Variants in ZNF555 observed in about 807,000 individuals in gnomAD.
ZNF555 encodes zinc finger protein 555.
A neutral mutation model predicts 14.0 loss-of-function variants in ZNF555; 10 were observed. The observed-to-expected ratio is 0.72, with a 90% CI of 0.44 to 1.21. The LOEUF is 1.21. Among genes scored for constraint, ZNF555 ranks in the 50% most tolerant of loss-of-function variants. The probability of loss-of-function intolerance (pLI) is 0.00; values close to 1 mark genes in which losing one functional copy is unlikely to be tolerated. For missense variants in ZNF555, 747 were observed against 762.0 expected (o/e 0.98, Z 0.23); for synonymous variants, 277 against 262.4 (o/e 1.06, Z -0.54).
chr19:2,844,251 C>T lies in ZNF555; in HGVS notation c.3+2676C>T, dbSNP rs144120814. Among the ~76,000 whole-genome samples the T allele has an allele frequency of 6.1e-3, 934 of 152,108 alleles. 15 individuals carry two copies. Among genetic ancestry groups the T allele is most frequent in the African/African-American group, 0.022 (901 of 41,494 alleles). On this transcript the variant is annotated intron_variant, in intron 1 of 3. Coordinates refer to ENST00000334241, the MANE Select transcript of ZNF555 (RefSeq NM_152791.5). ...CTGAGTAGCTGGGATTACAGGCATC[C>T]GCCACCACGCCCAGCTAATTTTTGT...
rs753710430 is a variant in ZNF555, at chr19:2,850,637, G to A, written c.54G>A (p.Trp18Ter). 1 of 1,614,032 alleles carries A rather than the reference G, an allele frequency of 6.2e-7. No homozygotes were observed. The highest frequency in any genetic ancestry group is 1.1e-5 in the South Asian group (1 of 91,082). Reference sequence around the variant, plus strand: ...CTGTGGACTTCACCCTGGAGGAGTGGGCTTTGCTGGATTCTGCTCAGAGGG... The same window carrying A: ...CTGTGGACTTCACCCTGGAGGAGTGAGCTTTGCTGGATTCTGCTCAGAGGG... ...DVAVDFTLEE[W>*]ALLDSAQRDL... The change falls in exon 2 of 4, where the codon TGG (tryptophan) becomes TGA (stop). Residue 18 changes from tryptophan to a stop codon, truncating the protein, a stop_gained. Transcript: ENST00000334241. LOFTEE classifies it high-confidence loss of function.
intron 1 of ZNF555, among the ~76,000 whole-genome samples, chr19:2,843,613 T>C (rs1008921244): frequency 6.6e-6 from 1 of 152,206 alleles, no homozygotes; most frequent in Non-Finnish European, 1.5e-5. Flanking sequence ...TTATTCTCCT[T>C]GACATGGTAG....
rs760298283 is a variant in ZNF555 at position 2,852,572 on chromosome 19, C to T, written c.507C>T (p.His169=). 2 of 1,614,058 alleles carry T rather than the reference C, an allele frequency of 1.2e-6. No homozygotes were observed. The highest frequency in any genetic ancestry group is 1.7e-5 in the Admixed American group (1 of 60,006). The stretch of plus-strand genomic sequence containing the variant: ...GTCCCATCACAGTTCACACTGGACA[C>T]AAACCATATCAGTGCCAGGAATGTG... ...LKSPITVHTG[H]KPYQCQECGQ... Residue 169 remains histidine, a synonymous_variant, in exon 4 of 4, where the codon CAC becomes CAT. Transcript: ENST00000334241.
Position 2,853,349 on chromosome 19 carries a change from A to G in ZNF555, c.1284A>G (p.Gln428=), listed in dbSNP as rs1414429392. Residue 428 remains glutamine, a synonymous_variant, in exon 4 of 4, where the codon CAA becomes CAG. Transcript: ENST00000334241. The stretch of plus-strand genomic sequence containing the variant: ...GAGAGAAACCCTATGAGTGCAAGCA[A>G]TGTGGGAAAACTTTCAATTGGCCCA... The part of the protein sequence containing the change: ...HTGEKPYECK[Q]CGKTFNWPIS... The G allele has an allele frequency of 6.2e-7, 1 of 1,613,758 alleles. No individual in the cohort carries two copies. The highest frequency in any genetic ancestry group is 1.1e-5 in the South Asian group (1 of 91,062).
intron 2 of ZNF555, 33 bp downstream of exon 2, chr19:2,850,746 T>C: frequency 6.2e-7 from 1 of 1,610,238 alleles, no homozygotes; most frequent in Non-Finnish European, 8.5e-7. Context: ...CTTCACGTAG[T>C]TATTGAGAGA....
At chr19:2,844,127 A>C (rs1463282468) in intron 1 of ZNF555, among the ~76,000 whole-genome samples, 2 of 90,524 alleles carry the variant, frequency 2.2e-5, no homozygotes, top group Admixed American at 1.4e-4. Flanking sequence ...TTAAAGAGGG[A>C]GTTTCACCCT....
intron 1 of ZNF555, 54 bp from the exon 2 acceptor site, chr19:2,850,533 C>A: frequency 6.3e-7 from 1 of 1,598,434 alleles, no homozygotes; most frequent in South Asian, 1.1e-5. Flanking sequence ...GAGTACAATG[C>A]TCCTGGGCTC....
Position 2,851,490 on chromosome 19 carries a change from C to A in ZNF555, c.153C>A (p.Ala51=). Residue 51 remains alanine, a synonymous_variant, in exon 3 of 4, where the codon GCC becomes GCA. Coordinates refer to ENST00000334241, the MANE Select transcript of ZNF555 (RefSeq NM_152791.5). The stretch of plus-strand genomic sequence containing the variant: ...CAGATGATGAAACTCAATTTAAGGC[C>A]AGTGGGTCAGTTTCTCAGCAGGATA... ...ASVDDETQFK[A]SGSVSQQDIY... is the part of the protein sequence containing the mutation. The A allele has an allele frequency of 6.3e-7, 1 of 1,585,518 alleles. No individual in the cohort carries two copies. The highest frequency in any genetic ancestry group is 1.4e-5 in the African/African-American group (1 of 73,190).
chr19:2,842,983 CG>C (rs979235336), intron 1 of ZNF555, among the ~76,000 whole-genome samples: 89 of 150,218 alleles, frequency 5.9e-4, no homozygotes, highest in African/African-American at 2.2e-3. Flanking sequence ...GCGGAGGTTG[CG>C]GTGAGCTGAG....
chr19:2,848,790 C>T (rs988187565), intron 1 of ZNF555, among the ~76,000 whole-genome samples: 5 of 152,130 alleles, frequency 3.3e-5, no homozygotes, highest in African/African-American at 1.2e-4. Context: ...ATAAGCATCC[C>T]CTGCCTGGTA....
intron 1 of ZNF555, among the ~76,000 whole-genome samples, chr19:2,848,822 G>C (rs2087604340): frequency 6.6e-6 from 1 of 152,170 alleles, no homozygotes. Flanking sequence ...TCCATTTCCA[G>C]AAGGAAAGCA....
rs773065723 is a variant in ZNF555, at chr19:2,852,363, A to G, written c.315-17A>G. 4 of 1,613,512 alleles carry G rather than the reference A, an allele frequency of 2.5e-6. No individual in the cohort carries two copies. The highest frequency in any genetic ancestry group is 2.7e-5 in the African/African-American group (2 of 75,034). ...AATCATTATTAATCAAACCAATAAC[A>G]TGCTTCTCATTTTTAGTAGAAATCA... On this transcript the variant is annotated splice_polypyrimidine_tract_variant and intron_variant, in intron 3 of 3. Transcript: ENST00000334241.
At chr19:2,849,638 C>G (rs1368787668) in intron 1 of ZNF555, among the ~76,000 whole-genome samples, 1 of 151,524 alleles carries the variant, frequency 6.6e-6, no homozygotes, top group African/African-American at 2.4e-5. Context: ...GCGTGCACCA[C>G]CATGCCCGGC....
Position 2,852,428 on chromosome 19 carries a change from A to G in ZNF555, c.363A>G (p.Gly121=), listed in dbSNP as rs2087638491. 1.2e-6 allele frequency: 2 copies of G among 1,614,200 alleles called. No individual in the cohort carries two copies. The highest frequency in any genetic ancestry group is 1.6e-4 in the Middle Eastern group (1 of 6,062). The change falls in exon 4 of 4, where the codon GGA becomes GGG. Residue 121 remains glycine, a synonymous_variant. Coordinates refer to ENST00000334241, the MANE Select transcript of ZNF555 (RefSeq NM_152791.5). The part of the protein sequence containing the change: ...ERLCESNDQC[G]EALSQIPHLN... ...TCTGTGAAAGTAATGATCAATGTGG[A>G]GAAGCCCTCAGCCAGATTCCACATC...
In ZNF555 at chr19:2,860,294, G is replaced by C. The variant is rs1039878043; in HGVS notation, c.*6342G>C. The C allele has an allele frequency of 5.9e-5, 9 of 152,144 alleles. No individual in the cohort carries two copies. The highest frequency in any genetic ancestry group is 1.9e-4 in the African/African-American group (8 of 41,412). 9.4% of individuals were successfully genotyped at this position (152,144 alleles called of 1,614,324 possible). A position where few individuals can be genotyped will look rare whatever the true frequency, so the allele number is the denominator to read the frequency against. ...AGTGGTGGTCCCTGTTTTCAGGAAA[G>C]AGTGTCTGTGAATGTCCATGTGTCT... On this transcript the variant is annotated 3_prime_UTR_variant, in exon 4 of 4. Transcript: ENST00000334241.
intron 1 of ZNF555, 72 bp from the exon 2 acceptor site, chr19:2,850,515 T>C: frequency 5.1e-6 from 8 of 1,572,700 alleles, no homozygotes; most frequent in Non-Finnish European, 6.9e-6. Flanking sequence ...TTGAACTACA[T>C]ACGAATTGAG....
At position 2,852,533 on chromosome 19, in the gene ZNF555, C is replaced by A; in HGVS notation, c.468C>A (p.Arg156=). Residue 156 remains arginine, a synonymous_variant, in exon 4 of 4, where the codon CGC becomes CGA. Coordinates refer to ENST00000334241, the MANE Select transcript of ZNF555 (RefSeq NM_152791.5). The part of the protein sequence containing the change: ...NTYGKVFMHR[R]TSLKSPITVH... ...ACGGAAAAGTCTTCATGCATCGCCG[C>A]ACATCCCTCAAGAGTCCCATCACAG... 1.2e-6 allele frequency: 2 copies of A among 1,614,082 alleles called. No individual in the cohort carries two copies. Among genetic ancestry groups the A allele is most frequent in the Non-Finnish European group, 1.7e-6 (2 of 1,180,028 alleles).
At position 2,841,499 on chromosome 19, in the gene ZNF555, G is replaced by A; in HGVS notation, c.-74G>A. The A allele has an allele frequency of 1.3e-6, 2 of 1,543,454 alleles. No homozygotes were observed. Among genetic ancestry groups the A allele is most frequent in the African/African-American group, 1.4e-5 (1 of 72,252 alleles). ...TGTCCTAGCCGTGAGTGCCCCGCCT[G>A]CCCCTAGCGGTCCCTGGCGTCCCGG... On this transcript the variant is annotated 5_prime_UTR_variant, in exon 1 of 4. Transcript: ENST00000334241.
chr19:2,845,706 T>G (rs1227448104), intron 1 of ZNF555, among the ~76,000 whole-genome samples: 2 of 152,232 alleles, frequency 1.3e-5, no homozygotes, highest in Non-Finnish European at 2.9e-5. Context: ...CTCTGATGAT[T>G]AGTGGTGTTG....
Sources: gnomAD v4.1 joint callset for allele counts (sites outside exome capture counted in the v4.1 genomes callset) on GRCh38, gnomAD v4.1.1 for gene constraint, MANE v1.5 for transcripts, NCBI Gene and HGNC (gene_info 2026-07-23, HGNC 2026-07-21) for gene names.